UTRN: variants seen among roughly 807,000 people sequenced by gnomAD.
The protein encoded by UTRN is utrophin, also known as dystrophin-related protein 1.
UTRN carries 283 observed loss-of-function variants against 463.9 expected under a neutral mutation model. The ratio of observed to expected loss-of-function variants is 0.61; its 90% CI spans 0.55 to 0.67. The LOEUF (loss-of-function observed/expected upper bound fraction) is 0.67. Among genes scored for constraint, UTRN ranks in the 30% least tolerant of loss-of-function variants. UTRN has a pLI of 0.00. For synonymous variants in UTRN, 1,442 were observed against 1,431.5 expected (o/e 1.01, Z -0.17); for missense variants, 3,922 against 4,084.3 (o/e 0.96, Z 1.08).
chr6:144,454,012 C>A, intron 19 of UTRN, 143 bp downstream of exon 19: 1 of 678,820 alleles, frequency 1.5e-6, no homozygotes, highest in African/African-American at 1.8e-5. Flanking sequence ...TTTTAGGCAG[C>A]AGAATCTTTA....
At chr6:144,681,980 T>C (rs189247348) in intron 52 of UTRN, among the ~76,000 whole-genome samples, 1 of 152,324 alleles carries the variant, frequency 6.6e-6, no homozygotes, top group East Asian at 1.9e-4. Flanking sequence ...TCTTTTGTGT[T>C]ACAAACAATC....
At chr6:144,737,720 C>G (rs1789585447) in intron 54 of UTRN, among the ~76,000 whole-genome samples, 1 of 152,150 alleles carries the variant, frequency 6.6e-6, no homozygotes. Flanking sequence ...ACCAAGTTCA[C>G]AACTTTGTCA....
intron 23 of UTRN, among the ~76,000 whole-genome samples, chr6:144,465,638 C>CT (rs924669600): frequency 3.3e-5 from 5 of 151,586 alleles, no homozygotes; most frequent in South Asian, 2.1e-4. Flanking sequence ...AAGAAAACTC[C>CT]TTTTTTTTGC....
intron 3 of UTRN, among the ~76,000 whole-genome samples, chr6:144,405,566 G>T (rs1473438311): frequency 6.6e-6 from 1 of 151,974 alleles, no homozygotes; most frequent in Non-Finnish European, 1.5e-5. Context: ...ACATTGTGGT[G>T]GGTTTTACAA....
chr6:144,462,817 A>G lies in UTRN; in HGVS notation c.3017A>G (p.Lys1006Arg). The part of the protein sequence containing the change: ...KWNKLKVLVS[K>R]DLHLLEEIAL... ...AACAAGCTAAAGGTCTTGGTTTCCA[A>G]AGATCTACATTTGCTTGAGGAAATT... Residue 1006 changes from lysine to arginine, a missense_variant, in exon 23 of 75, where the codon AAA becomes AGA. Lys to Arg is a conservative substitution (Grantham distance 26). This residue lies in a region of UTRN where 2,349 missense variants were observed against 2,303.8 expected (regional missense o/e 1.02). Coordinates refer to ENST00000367545, the MANE Select transcript of UTRN (RefSeq NM_007124.3). The G allele has an allele frequency of 6.2e-7, 1 of 1,609,486 alleles. No individual in the cohort carries two copies. The highest frequency in any genetic ancestry group is 1.3e-5 in the African/African-American group (1 of 74,624).
intron 58 of UTRN, among the ~76,000 whole-genome samples, chr6:144,769,701 G>T (rs1362280006): frequency 1.3e-5 from 2 of 152,126 alleles, no homozygotes; most frequent in Non-Finnish European, 2.9e-5. Context: ...CTTTAGTTTG[G>T]TTCTTGAGCC....
At chr6:144,850,656 C>T (rs1057455001) in intron 74 of UTRN, among the ~76,000 whole-genome samples, 3 of 152,178 alleles carry the variant, frequency 2.0e-5, no homozygotes, top group Non-Finnish European at 4.4e-5. Flanking sequence ...CTCCCACAGT[C>T]CCCCAGGAAG....
chr6:144,582,287 G>A (rs1310518858), intron 51 of UTRN, among the ~76,000 whole-genome samples: 4 of 152,280 alleles, frequency 2.6e-5, no homozygotes, highest in East Asian at 3.9e-4. Flanking sequence ...GCATTAGCCC[G>A]GTTACCAGTT....
chr6:144,770,699 T>C (rs1355427281), intron 58 of UTRN, among the ~76,000 whole-genome samples: 3 of 152,204 alleles, frequency 2.0e-5, no homozygotes. Context: ...TATGAATTAG[T>C]TTTGAAATTT....
rs371404684 is a variant in UTRN, at chr6:144,447,790, T to C, written c.1902+9T>C. The C allele has an allele frequency of 1.1e-5, 18 of 1,603,762 alleles. No individual in the cohort carries two copies. Among genetic ancestry groups the C allele is most frequent in the Non-Finnish European group, 1.3e-5 (15 of 1,174,766 alleles). On this transcript the variant is annotated intron_variant, in intron 16 of 74. Coordinates refer to ENST00000367545, the MANE Select transcript of UTRN (RefSeq NM_007124.3). ...AAGATTCCTCCAACCAGGTACTTTT[T>C]GATTTGGATCATATGTTGTGCCATG...
intron 2 of UTRN, among the ~76,000 whole-genome samples, chr6:144,347,354 G>A (rs767017354): frequency 1.2e-4 from 19 of 152,234 alleles, no homozygotes; most frequent in Non-Finnish European, 7.3e-5. Flanking sequence ...ACAGGGGAAT[G>A]TATTCGTCCC....
chr6:144,652,099 A>C (rs1430514128), intron 51 of UTRN, among the ~76,000 whole-genome samples: 3 of 152,338 alleles, frequency 2.0e-5, no homozygotes, highest in Admixed American at 6.5e-5. Flanking sequence ...TGTACTTTAA[A>C]TTCCTTTGTT....
Position 144,521,961 on chromosome 6 carries a change from T to TC in UTRN, c.5542-19_5542-18insC. 7.0e-7 allele frequency: 1 copy of TC among 1,427,676 alleles called. No individual in the cohort carries two copies. The highest frequency in any genetic ancestry group is 9.2e-7 in the Non-Finnish European group (1 of 1,091,220). 88.4% of individuals were successfully genotyped at this position (1,427,676 alleles called of 1,614,324 possible). The stretch of plus-strand genomic sequence containing the variant: ...GATATATATATATATATATATTTTT[T>TC]TTTTTGCTGTTTTTGTAGGCAATCC... On this transcript the variant is annotated intron_variant, in intron 39 of 74. Coordinates refer to ENST00000367545, the MANE Select transcript of UTRN (RefSeq NM_007124.3).
chr6:144,729,886 AT>A lies in UTRN; in HGVS notation c.7810-462del, dbSNP rs566773527. ...GTATGTACTTTGTTTCTATCGCTTCATTTTTTTTTCTTAATGTATTCTAAAT... is the reference window on the plus strand; with the variant it reads ...GTATGTACTTTGTTTCTATCGCTTCATTTTTTTTCTTAATGTATTCTAAAT... On this transcript the variant is annotated intron_variant, in intron 53 of 74. Transcript: ENST00000367545. 2.6e-4 allele frequency among the ~76,000 whole-genome samples: 40 copies of A among 151,300 alleles called. No individual in the cohort carries two copies. The East Asian group carries it at 6.8e-3, about 26-fold the overall frequency.
At chr6:144,487,806 A>G in intron 29 of UTRN, 109 bp downstream of exon 29, 3 of 1,147,472 alleles carry the variant, frequency 2.6e-6, no homozygotes, top group Non-Finnish European at 3.6e-6. Flanking sequence ...AATGTTGGTT[A>G]AAGTTGGTAA....
chr6:144,809,980 C>T (rs547369585), intron 65 of UTRN, among the ~76,000 whole-genome samples: 249 of 152,200 alleles, frequency 1.6e-3, no homozygotes, highest in African/African-American at 5.4e-3. Flanking sequence ...CCCAAAGAAA[C>T]GGAAGCCTGT....
chr6:144,634,494 G>A (rs1776887147), intron 51 of UTRN, among the ~76,000 whole-genome samples: 1 of 152,164 alleles, frequency 6.6e-6, no homozygotes, highest in South Asian at 2.1e-4. Context: ...GGGTTTATGA[G>A]GTTAAGATTA....
chr6:144,712,831 C>T (rs1785886879), intron 53 of UTRN, among the ~76,000 whole-genome samples: 1 of 152,138 alleles, frequency 6.6e-6, no homozygotes, highest in African/African-American at 2.4e-5. Context: ...CTGAAAGATG[C>T]CTTGGAATAA....
At chr6:144,555,369 G>GGGAA (rs1322466023) in intron 49 of UTRN, among the ~76,000 whole-genome samples, 6 of 152,140 alleles carry the variant, frequency 3.9e-5, no homozygotes, top group African/African-American at 1.4e-4. Context: ...GAAGGCAAAG[G>GGGAA]GGAAGCAGGC....
Sources: gnomAD v4.1 joint callset for allele counts (sites outside exome capture counted in the v4.1 genomes callset) on GRCh38, gnomAD v4.1.1 for gene constraint, gnomAD v4.1.1 regional missense constraint, MANE v1.5 for transcripts, NCBI Gene and HGNC (gene_info 2026-07-23, HGNC 2026-07-21) for gene names.